The following MGAT4C variants were observed in gnomAD, a reference collection of about 807,000 sequenced individuals.
MGAT4C encodes MGAT4 family member C.
Under a neutral mutation model 40.1 loss-of-function variants are expected in MGAT4C, and 19 were observed. The observed-to-expected ratio is 0.47, with a 90% confidence interval of 0.33 to 0.70. MGAT4C has a LOEUF of 0.70. MGAT4C is among the 30% of genes least tolerant of loss of function. The probability of loss-of-function intolerance (pLI) is 0.02; values close to 1 mark genes in which losing one functional copy is unlikely to be tolerated. For missense variants in MGAT4C, 491 were observed against 563.2 expected (o/e 0.87, Z 1.30); for synonymous variants, 181 against 187.1 (o/e 0.97, Z 0.27).
At chr12:86,480,478 G>GC (rs1555194512) in intron 2 of MGAT4C, among the ~76,000 whole-genome samples, 1 of 129,132 alleles carries the variant, frequency 7.7e-6, no homozygotes, top group Non-Finnish European at 1.8e-5. Context: ...ACATATGTAT[G>GC]TATACATATA....
At chr12:86,045,415 C>T (rs1168100457) in intron 2 of MGAT4C, among the ~76,000 whole-genome samples, 1 of 152,140 alleles carries the variant, frequency 6.6e-6, no homozygotes, top group African/African-American at 2.4e-5. Context: ...ACTTGCATGA[C>T]TCTAGACATT....
rs571967031 is a variant in MGAT4C at position 86,035,681 on chromosome 12, G to A, written c.-7+13993C>T. 2.7e-5 allele frequency among the ~76,000 whole-genome samples: 4 copies of A among 149,952 alleles called. 1 individual carries two copies. The highest frequency in any genetic ancestry group is 9.7e-5 in the African/African-American group (4 of 41,370). On this transcript the variant is annotated intron_variant, in intron 2 of 4. Transcript: ENST00000611864. ...CAAAGTCCTGAATGGTATTGCCTAGGTTGTCTTCTAGGGTTTTTATTGTTT... is the reference window on the plus strand; with the variant it reads ...CAAAGTCCTGAATGGTATTGCCTAGATTGTCTTCTAGGGTTTTTATTGTTT...
chr12:86,295,514 AAG>A, intron 4 of MGAT4C, among the ~76,000 whole-genome samples: 1 of 152,244 alleles, frequency 6.6e-6, no homozygotes, highest in African/African-American at 2.4e-5. Context: ...TGTGGACCCA[AAG>A]AGTGAGCAGT....
chr12:86,133,737 T>G lies in MGAT4C; in HGVS notation c.-56-84014A>C, dbSNP rs553860860. Among the ~76,000 whole-genome samples, 11 of 152,238 alleles carry G rather than the reference T, an allele frequency of 7.2e-5. No homozygotes were observed. The East Asian group carries it at 9.6e-4, about 13-fold the overall frequency. ...ACAGTTTGATGCTTAATAAATCTCC[T>G]TTAATAAGCATTCAGTTAAGTAAAA... On this transcript the variant is annotated intron_variant, in intron 1 of 4. Transcript: ENST00000611864.
chr12:86,409,968 C>T (rs909551959), intron 3 of MGAT4C, among the ~76,000 whole-genome samples: 7 of 152,030 alleles, frequency 4.6e-5, no homozygotes, highest in Non-Finnish European at 1.0e-4. Context: ...CTGCCTGAGC[C>T]GCAAAACCAG....
intron 2 of MGAT4C, among the ~76,000 whole-genome samples, chr12:86,594,884 G>C (rs117411007): frequency 1.5e-4 from 23 of 152,224 alleles, no homozygotes; most frequent in Non-Finnish European, 3.2e-4. Context: ...ATATTGGTTT[G>C]GTCTGTTGGG....
chr12:86,574,616 A>G (rs1367206786), intron 2 of MGAT4C, among the ~76,000 whole-genome samples: 1 of 151,812 alleles, frequency 6.6e-6, no homozygotes, highest in Non-Finnish European at 1.5e-5. Flanking sequence ...ATATTTAATA[A>G]TCTAGTTATT....
chr12:86,204,783 T>C (rs1041742565), intron 1 of MGAT4C, among the ~76,000 whole-genome samples: 7 of 152,232 alleles, frequency 4.6e-5, no homozygotes, highest in African/African-American at 1.4e-4. Flanking sequence ...TTGCAAGATA[T>C]GTCAACATAT....
intron 1 of MGAT4C, among the ~76,000 whole-genome samples, chr12:86,788,606 T>C (rs1220827994): frequency 1.3e-5 from 2 of 152,188 alleles, no homozygotes; most frequent in Non-Finnish European, 2.9e-5. Flanking sequence ...TTATGTTGCT[T>C]AAAACTAAAG....
chr12:86,697,318 G>A (rs1325065693), intron 2 of MGAT4C, among the ~76,000 whole-genome samples: 1 of 152,068 alleles, frequency 6.6e-6, no homozygotes. Context: ...TATATGCTGA[G>A]TGTTTCTGCA....
At chr12:86,393,807 T>C (rs933502680) in intron 3 of MGAT4C, among the ~76,000 whole-genome samples, 1 of 152,186 alleles carries the variant, frequency 6.6e-6, no homozygotes, top group African/African-American at 2.4e-5. Flanking sequence ...CTAGGAATTA[T>C]GAGACAGTCC....
intron 2 of MGAT4C, among the ~76,000 whole-genome samples, chr12:86,540,597 G>A (rs1000948002): frequency 3.9e-5 from 6 of 152,136 alleles, no homozygotes; most frequent in African/African-American, 9.7e-5. Context: ...TTAGCTGGGC[G>A]TGGTGGCACG....
At chr12:86,201,175 A>T (rs1274381397) in intron 1 of MGAT4C, among the ~76,000 whole-genome samples, 1 of 152,026 alleles carries the variant, frequency 6.6e-6, no homozygotes, top group Non-Finnish European at 1.5e-5. Context: ...TATTTCCCCT[A>T]TTTTTTCTTC....
chr12:86,677,613 A>T (rs1949890647), intron 2 of MGAT4C, among the ~76,000 whole-genome samples: 1 of 152,142 alleles, frequency 6.6e-6, no homozygotes, highest in Non-Finnish European at 1.5e-5. Flanking sequence ...GTTAATACAG[A>T]TCTCAGTATT....
intron 2 of MGAT4C, among the ~76,000 whole-genome samples, chr12:86,624,011 G>C (rs1229634100): frequency 6.6e-6 from 1 of 152,210 alleles, no homozygotes; most frequent in Middle Eastern, 3.4e-3. Flanking sequence ...TGACCTGTCT[G>C]TTAGCTCCCT....
chr12:86,798,785 A>G (rs1203758993), intron 1 of MGAT4C, among the ~76,000 whole-genome samples: 2 of 151,952 alleles, frequency 1.3e-5, no homozygotes, highest in African/African-American at 2.4e-5. Context: ...ATTGGTTGCC[A>G]TGAAAAAGTG....
At chr12:86,071,897 T>C (rs193143328) in intron 1 of MGAT4C, among the ~76,000 whole-genome samples, 19 of 152,258 alleles carry the variant, frequency 1.2e-4, no homozygotes, top group Admixed American at 9.2e-4. Context: ...TTGAACACCT[T>C]CAATGTTTTG....
chr12:86,052,920 A>G (rs559517596), intron 1 of MGAT4C, among the ~76,000 whole-genome samples: 12 of 151,994 alleles, frequency 7.9e-5, no homozygotes, highest in Non-Finnish European at 1.6e-4. Context: ...GCCAAGTAAT[A>G]GGTTTCATCT....
chr12:86,371,406 T>G (rs574052701), intron 3 of MGAT4C, among the ~76,000 whole-genome samples: 80 of 152,196 alleles, frequency 5.3e-4, no homozygotes, highest in African/African-American at 1.9e-3. Context: ...AAGATAAATT[T>G]GCTCTTATGA....
Sources: allele counts gnomAD v4.1 joint callset (sites outside exome capture counted in the v4.1 genomes callset), GRCh38; gene constraint gnomAD v4.1.1; transcripts MANE v1.5; gene names NCBI Gene and HGNC (gene_info 2026-07-23, HGNC 2026-07-21).